The following MYRFL variants were observed in gnomAD, a reference collection of about 807,000 sequenced individuals.
MYRFL encodes the protein myelin regulatory factor like.
Under a neutral mutation model 109.4 loss-of-function variants are expected in MYRFL, and 88 were observed. The observed-to-expected ratio is 0.80, with a 90% CI of 0.68 to 0.96. MYRFL has a LOEUF of 0.96. MYRFL is among the 40% of genes least tolerant of loss of function. The probability of loss-of-function intolerance (pLI) is 0.00; values close to 1 mark genes in which losing one functional copy is unlikely to be tolerated. For missense variants in MYRFL, 957 were observed against 954.9 expected (o/e 1.00, Z -0.03); for synonymous variants, 324 against 320.9 (o/e 1.01, Z -0.10).
intron 1 of MYRFL, among the ~76,000 whole-genome samples, chr12:69,842,891 C>T (rs553768528): frequency 6.6e-6 from 1 of 152,234 alleles, no homozygotes; most frequent in Non-Finnish European, 1.5e-5. Context: ...ATTGCTATAG[C>T]TGATTTTCTT....
At chr12:69,859,520 T>C (rs953252834) in intron 2 of MYRFL, among the ~76,000 whole-genome samples, 2 of 152,236 alleles carry the variant, frequency 1.3e-5, no homozygotes, top group African/African-American at 2.4e-5. Context: ...TTGTATTGAA[T>C]TGAAAAGTTA....
At chr12:69,889,813 C>T (rs988628674) in intron 6 of MYRFL, among the ~76,000 whole-genome samples, 6 of 151,876 alleles carry the variant, frequency 4.0e-5, no homozygotes, top group African/African-American at 9.7e-5. Flanking sequence ...GCTGAGATCA[C>T]GCCACTGCAC....
rs999169284 is a variant in MYRFL, at chr12:69,886,896, C to G, written c.633C>G (p.Cys211Trp). ...AGAACAGAATGCCTACAGACCAGTG[C>G]TCTCCTGCTCTGAAGTGGCAACCAT... The part of the protein sequence containing the change: ...EGQNRMPTDQ[C>W]SPALKWQPCH... Residue 211 changes from cysteine (C) to tryptophan (W), a missense_variant, in exon 6 of 25, where the codon TGC becomes TGG. Physicochemically the swap from Cys to Trp is radical, Grantham distance 215 (BLOSUM62 -2). Coordinates refer to ENST00000552032, the MANE Select transcript of MYRFL (RefSeq NM_182530.3). 2.6e-5 allele frequency: 40 copies of G among 1,535,704 alleles called. No homozygotes were observed. Among genetic ancestry groups the G allele is most frequent in the Admixed American group, 1.2e-4 (6 of 50,972 alleles).
intron 19 of MYRFL, among the ~76,000 whole-genome samples, chr12:69,937,644 T>A (rs74539394): frequency 6.6e-6 from 1 of 152,208 alleles, no homozygotes; most frequent in East Asian, 1.9e-4. Context: ...CCAAAGCAAG[T>A]CACGTCACAT....
chr12:69,886,886 C>G lies in MYRFL; in HGVS notation c.623C>G (p.Thr208Arg). The G allele has an allele frequency of 6.5e-7, 1 of 1,535,944 alleles. No individual in the cohort carries two copies. Among genetic ancestry groups the G allele is most frequent in the East Asian group, 2.4e-5 (1 of 40,912 alleles). ...PDSEGQNRMP[T>R]DQCSPALKWQ... ...AGTGAGGGACAGAACAGAATGCCTA[C>G]AGACCAGTGCTCTCCTGCTCTGAAG... is the stretch of plus-strand genomic sequence containing the variant. The change falls in exon 6 of 25, where the codon ACA (threonine) becomes AGA (arginine). Residue 208 changes from threonine to arginine, a missense_variant. Coordinates refer to ENST00000552032, the MANE Select transcript of MYRFL (RefSeq NM_182530.3).
chr12:69,900,834 T>C (rs1252036709), intron 10 of MYRFL, among the ~76,000 whole-genome samples: 2 of 152,222 alleles, frequency 1.3e-5, no homozygotes, highest in Non-Finnish European at 2.9e-5. Context: ...GTATTTTTTA[T>C]GAAAGGCGTC....
At chr12:69,831,308 G>T (rs114357055) in intron 1 of MYRFL, among the ~76,000 whole-genome samples, 1 of 152,092 alleles carries the variant, frequency 6.6e-6, no homozygotes, top group Non-Finnish European at 1.5e-5. Flanking sequence ...TGCTGTGAGC[G>T]AAGAGGTGAA....
chr12:69,866,465 G>A (rs898552193), intron 2 of MYRFL, among the ~76,000 whole-genome samples: 2 of 152,078 alleles, frequency 1.3e-5, no homozygotes, highest in South Asian at 2.1e-4. Context: ...AAATACCAGG[G>A]TATTTATGCA....
intron 19 of MYRFL, among the ~76,000 whole-genome samples, chr12:69,939,778 G>C: frequency 1.3e-5 from 2 of 151,810 alleles, no homozygotes; most frequent in Admixed American, 6.6e-5. Flanking sequence ...CAAAGGCAAA[G>C]AAGTTGAAAA....
intron 10 of MYRFL, among the ~76,000 whole-genome samples, chr12:69,902,130 G>A (rs1458386905): frequency 6.6e-6 from 1 of 152,018 alleles, no homozygotes; most frequent in African/African-American, 2.4e-5. Flanking sequence ...CTGACCTCAG[G>A]TGATCCACAC....
chr12:69,866,812 C>A (rs937669275), intron 2 of MYRFL, among the ~76,000 whole-genome samples: 1 of 152,098 alleles, frequency 6.6e-6, no homozygotes, highest in African/African-American at 2.4e-5. Context: ...AAAACTTGTC[C>A]CATTAGATGC....
rs1955725711 is a variant in MYRFL, at chr12:69,943,350, A to C, written c.2224+6718A>C. ...CAAAACAGAGATATAGATCAATGGA[A>C]CAGAACAGAGCCCTCAGAAATAACG... On this transcript the variant is annotated intron_variant, in intron 19 of 24. Coordinates refer to ENST00000552032, the MANE Select transcript of MYRFL (RefSeq NM_182530.3). Among the ~76,000 whole-genome samples, 3 of 148,832 alleles carry C rather than the reference A, an allele frequency of 2.0e-5. No individual in the cohort carries two copies. In the South Asian group the frequency reaches 6.4e-4, roughly 32 times the overall value.
At chr12:69,899,770 G>T (rs1251414633) in intron 10 of MYRFL, among the ~76,000 whole-genome samples, 3 of 152,136 alleles carry the variant, frequency 2.0e-5, no homozygotes, top group East Asian at 1.9e-4. Context: ...AGAATGGTGG[G>T]CAGGACCCAG....
intron 1 of MYRFL, among the ~76,000 whole-genome samples, chr12:69,845,386 C>A (rs1401808055): frequency 7.2e-5 from 11 of 152,118 alleles, no homozygotes; most frequent in Admixed American, 5.9e-4. Flanking sequence ...TCCATCCTAG[C>A]CTTTCTTCAA....
At chr12:69,868,838 C>T (rs1423179236) in intron 2 of MYRFL, among the ~76,000 whole-genome samples, 2 of 152,238 alleles carry the variant, frequency 1.3e-5, no homozygotes, top group African/African-American at 4.8e-5. Flanking sequence ...TGTACACACA[C>T]ATGCACAGCA....
At chr12:69,916,052 C>G (rs1954719565) in intron 13 of MYRFL, among the ~76,000 whole-genome samples, 1 of 151,754 alleles carries the variant, frequency 6.6e-6, no homozygotes, top group African/African-American at 2.4e-5. Flanking sequence ...ATGCTGTACA[C>G]CACCCTACTG....
At chr12:69,940,237 A>G (rs1343191771) in intron 19 of MYRFL, among the ~76,000 whole-genome samples, 1 of 151,708 alleles carries the variant, frequency 6.6e-6, no homozygotes, top group African/African-American at 2.4e-5. Context: ...AGCAACTCCA[A>G]GACACATAAT....
chr12:69,870,189 A>G (rs2136328560), intron 2 of MYRFL, among the ~76,000 whole-genome samples: 1 of 123,016 alleles, frequency 8.1e-6, no homozygotes, highest in Middle Eastern at 6.3e-3. Context: ...GCTCACTGCA[A>G]CCTCTGCCTC....
chr12:69,873,288 A>G (rs1403430628), intron 2 of MYRFL, among the ~76,000 whole-genome samples: 2 of 152,186 alleles, frequency 1.3e-5, no homozygotes, highest in Admixed American at 1.3e-4. Context: ...AACGTTTTTT[A>G]CAAGTTTACA....
Sources: allele counts gnomAD v4.1 joint callset (sites outside exome capture counted in the v4.1 genomes callset), GRCh38; gene constraint gnomAD v4.1.1; transcripts MANE v1.5; gene names NCBI Gene and HGNC (gene_info 2026-07-23, HGNC 2026-07-21).